The following CLOCK variants were observed in gnomAD, a reference collection of about 807,000 sequenced individuals.
The protein encoded by CLOCK is circadian locomoter output cycles protein kaput.
In CLOCK, 43 loss-of-function variants were observed where a neutral mutation model predicts 118.4. The observed-to-expected ratio is 0.36, with a 90% CI of 0.28 to 0.47. The LOEUF (loss-of-function observed/expected upper bound fraction) is 0.47. Among genes scored for constraint, CLOCK ranks in the 20% least tolerant of loss-of-function variants. The probability of loss-of-function intolerance (pLI) is 1.00; values close to 1 mark genes in which losing one functional copy is unlikely to be tolerated. For missense variants in CLOCK, 846 were observed against 999.9 expected, an observed-to-expected ratio of 0.85 and a Z score of 2.08; for synonymous variants, 326 against 339.2, an observed-to-expected ratio of 0.96 and a Z score of 0.43.
chr4:55,524,753 T>C (rs1730062343), intron 1 of CLOCK, among the ~76,000 whole-genome samples: 1 of 152,236 alleles, frequency 6.6e-6, no homozygotes, highest in Admixed American at 6.5e-5. Flanking sequence ...ATGTGCTGGT[T>C]TGTCAAAGAG....
Position 55,435,088 on chromosome 4 carries a change from G to A in CLOCK, c.*327C>T. The A allele has an allele frequency of 2.8e-6, 1 of 358,770 alleles. No individual in the cohort carries two copies. The highest frequency in any genetic ancestry group is 6.9e-5 in the East Asian group (1 of 14,570). 22.2% of individuals were successfully genotyped at this position (358,770 alleles called of 1,614,324 possible). On this transcript the variant is annotated 3_prime_UTR_variant, in exon 23 of 23. Coordinates refer to ENST00000513440, the MANE Select transcript of CLOCK (RefSeq NM_004898.4). Reference sequence around the variant, plus strand: ...CCACTAAAAGTTACTAACATCATTAGTGCCTTTCTGATTCCCTGGAGGTCA... The same window carrying A: ...CCACTAAAAGTTACTAACATCATTAATGCCTTTCTGATTCCCTGGAGGTCA...
intron 2 of CLOCK, among the ~76,000 whole-genome samples, chr4:55,507,330 G>A (rs1012701713): frequency 4.0e-5 from 6 of 151,324 alleles, no homozygotes; most frequent in African/African-American, 1.5e-4. Context: ...AGGTAGGGGG[G>A]AGCCAGGCAT....
chr4:55,532,541 TTA>T (rs1491357324), intron 1 of CLOCK, among the ~76,000 whole-genome samples: 4 of 148,970 alleles, frequency 2.7e-5, no homozygotes, highest in Non-Finnish European at 4.5e-5. Context: ...AAAGGAAAAT[TTA>T]AAAAAAAAAA....
At chr4:55,463,954 A>T (rs1725548202) in intron 8 of CLOCK, 149 bp from the exon 9 acceptor site, 3 of 774,076 alleles carry the variant, frequency 3.9e-6, no homozygotes, top group Non-Finnish European at 6.0e-6. Flanking sequence ...AATCTCAAAA[A>T]ATAAGATTGA....
intron 9 of CLOCK, among the ~76,000 whole-genome samples, chr4:55,461,371 C>T (rs1019698524): frequency 7.2e-5 from 11 of 152,154 alleles, no homozygotes; most frequent in African/African-American, 2.2e-4. Context: ...AAGCAAGGTA[C>T]TGCTGCTCTT....
Position 55,428,355 on chromosome 4 carries a change from CAA to C in CLOCK, c.*7058_*7059del, listed in dbSNP as rs1356032074. 12 of 152,228 alleles carry C rather than the reference CAA, an allele frequency of 7.9e-5. No individual in the cohort carries two copies. Among genetic ancestry groups the C allele is most frequent in the East Asian group, 1.9e-4 (1 of 5,184 alleles). 9.4% of individuals were successfully genotyped at this position (152,228 alleles called of 1,614,324 possible). A position where few individuals can be genotyped will look rare whatever the true frequency, so the allele number is the denominator to read the frequency against. On this transcript the variant is annotated 3_prime_UTR_variant, in exon 23 of 23. Transcript: ENST00000513440. ...TAAAATGGCAATATTAAATCGGTAA[CAA>C]AACGATCCACATTTTATACAATATT...
chr4:55,470,899 T>G, intron 7 of CLOCK, 93 bp from the exon 8 acceptor site: 1 of 855,382 alleles, frequency 1.2e-6, no homozygotes, highest in Admixed American at 2.0e-5. Flanking sequence ...AAGGATTTAA[T>G]ATGGAAATAT....
intron 2 of CLOCK, among the ~76,000 whole-genome samples, chr4:55,507,341 G>T (rs1728878010): frequency 6.6e-6 from 1 of 151,994 alleles, no homozygotes; most frequent in Non-Finnish European, 1.5e-5. Context: ...AGCCAGGCAT[G>T]GTGGCTCACA....
chr4:55,449,980 T>C (rs1481208631), intron 16 of CLOCK, 111 bp downstream of exon 16: 6 of 1,314,336 alleles, frequency 4.6e-6, no homozygotes, highest in Non-Finnish European at 6.4e-6. Flanking sequence ...ATTTCAGAAA[T>C]GTAAAAACTT....
rs766235766 is a variant in CLOCK, at chr4:55,446,101, C to CT, written c.1540-1317dup. On this transcript the variant is annotated intron_variant, in intron 18 of 22. Transcript: ENST00000513440. ...CACTTACTGGAAAAAAATTTAACTT[C>CT]TTTTTTTTTTTTTTTTTTTTGAGAC... Among the ~76,000 whole-genome samples, 198 of 107,348 alleles carry CT rather than the reference C, an allele frequency of 1.8e-3. 1 individual carries two copies. The highest frequency in any genetic ancestry group is 4.6e-3 in the Admixed American group (45 of 9,816). 70.4% of individuals were successfully genotyped at this position (107,348 alleles called of 152,430 possible). A position where few individuals can be genotyped will look rare whatever the true frequency, so the allele number is the denominator to read the frequency against.
rs1722352635 is a variant in CLOCK, at chr4:55,428,972, T to TG, written c.*6442_*6443insC. ...AATGGTAACTGTTCTGGCTGACACA[T>TG]CTTTTTTTTTTTTTTTTTTTTTAAA... On this transcript the variant is annotated 3_prime_UTR_variant, in exon 23 of 23. Transcript: ENST00000513440. The TG allele has an allele frequency of 1.8e-5, 2 of 114,158 alleles. No homozygotes were observed. Among genetic ancestry groups the TG allele is most frequent in the Non-Finnish European group, 3.7e-5 (2 of 53,446 alleles). The allele number at this position is 114,158 out of a possible 1,614,324, so 7.1% of individuals were successfully genotyped here.
chr4:55,531,167 C>A lies in CLOCK; in HGVS notation c.-290+15615G>T, dbSNP rs144186512. Among the ~76,000 whole-genome samples, 1,170 of 151,396 alleles carry A rather than the reference C, an allele frequency of 7.7e-3. 12 individuals carry two copies. The highest frequency in any genetic ancestry group is 0.026 in the African/African-American group (1,085 of 41,192). ...ATGATTTCGAAAAAATGATGAAGTA[C>A]AAGAAGAAATAAGTAAATATTTTAT... On this transcript the variant is annotated intron_variant, in intron 1 of 22. Transcript: ENST00000513440.
intron 1 of CLOCK, among the ~76,000 whole-genome samples, chr4:55,538,895 T>C (rs1731074831): frequency 1.3e-5 from 2 of 152,144 alleles, no homozygotes; most frequent in Admixed American, 6.6e-5. Context: ...TCTTAATGTG[T>C]TGAAAGAAAA....
At chr4:55,496,994 T>C (rs770339776) in intron 2 of CLOCK, among the ~76,000 whole-genome samples, 37 of 152,232 alleles carry the variant, frequency 2.4e-4, no homozygotes, top group Non-Finnish European at 2.1e-4. Flanking sequence ...AGTGAAAAAC[T>C]GAAGAGGTAC....
intron 1 of CLOCK, among the ~76,000 whole-genome samples, chr4:55,541,281 T>C (rs77080178): frequency 0.028 from 4,244 of 152,318 alleles, 206 homozygotes; most frequent in African/African-American, 0.097. Flanking sequence ...TATAGTCAAT[T>C]AGTAACAATT....
At chr4:55,475,463 T>G (rs192066958) in intron 7 of CLOCK, among the ~76,000 whole-genome samples, 125 of 152,342 alleles carry the variant, frequency 8.2e-4, no homozygotes, top group African/African-American at 2.8e-3. Flanking sequence ...TTGAGAGTAC[T>G]GACTGTAATT....
rs115189640 is a variant in CLOCK at position 55,461,951 on chromosome 4, C to G, written c.559+1734G>C. Among the ~76,000 whole-genome samples, 1,116 of 152,296 alleles carry G rather than the reference C, an allele frequency of 7.3e-3. 10 individuals are homozygous for G. Among genetic ancestry groups the G allele is most frequent in the African/African-American group, 0.023 (957 of 41,572 alleles). ...GACACAAATTTTACCACCTGTACAA[C>G]CTCAACTTCATTATGGCCAAAATGA... On this transcript the variant is annotated intron_variant, in intron 9 of 22. Coordinates refer to ENST00000513440, the MANE Select transcript of CLOCK (RefSeq NM_004898.4).
intron 8 of CLOCK, among the ~76,000 whole-genome samples, chr4:55,465,210 C>T (rs1577729354): frequency 2.0e-5 from 3 of 152,050 alleles, no homozygotes. Context: ...TAGTATAACA[C>T]ATATTTACAT....
At position 55,435,469 on chromosome 4, in the gene CLOCK, G is replaced by A; in HGVS notation, c.2487C>T (p.Leu829=). The A allele has an allele frequency of 6.2e-7, 1 of 1,614,064 alleles. No individual in the cohort carries two copies. The highest frequency in any genetic ancestry group is 8.5e-7 in the Non-Finnish European group (1 of 1,179,944). The change falls in exon 23 of 23, where the codon CTC becomes CTT. Residue 829 remains leucine (L), a synonymous_variant. Coordinates refer to ENST00000513440, the MANE Select transcript of CLOCK (RefSeq NM_004898.4). ...QQHQSQQQQQ[L]SRHRTDSLPD... is the part of the protein sequence containing the mutation. ...GCAAGCTGTCAGTCCTGTGCCGGCT[G>A]AGTTGCTGCTGTTGCTGAGACTGAT...
Sources: allele counts gnomAD v4.1 joint callset (sites outside exome capture counted in the v4.1 genomes callset), GRCh38; gene constraint gnomAD v4.1.1; transcripts MANE v1.5; gene names NCBI Gene and HGNC (gene_info 2026-07-23, HGNC 2026-07-21).